Variants in COL23A1 observed in about 807,000 individuals in gnomAD.
COL23A1 encodes collagen type XXIII alpha 1 chain.
COL23A1 carries 97 observed loss-of-function variants against 99.3 expected under a neutral mutation model. The observed-to-expected ratio is 0.98, with a 90% CI of 0.83 to 1.16. The LOEUF (loss-of-function observed/expected upper bound fraction) is 1.16, where lower values mean the gene tolerates loss of function less well. COL23A1 is among the 50% of genes most tolerant of loss of function. COL23A1 has a pLI of 0.00. For missense variants in COL23A1, 762 were observed against 757.4 expected, an observed-to-expected ratio of 1.01 and a Z score of -0.07; for synonymous variants, 320 against 308.2, an observed-to-expected ratio of 1.04 and a Z score of -0.40.
Position 178,239,371 on chromosome 5 carries a change from C to T in COL23A1, c.1582-192G>A, listed in dbSNP as rs192182041. Among the ~76,000 whole-genome samples the T allele has an allele frequency of 5.4e-3, 820 of 152,322 alleles. 4 individuals are homozygous for T. Among genetic ancestry groups the T allele is most frequent in the Admixed American group, 0.014 (217 of 15,310 alleles). On this transcript the variant is annotated intron_variant, in intron 27 of 28. Coordinates refer to ENST00000390654, the MANE Select transcript of COL23A1 (RefSeq NM_173465.4). ...AGTGGGGTCATGGGGTCATGGGGAA[C>T]GACGGCCTCTCACTGAGCTTGTCCT...
At chr5:178,481,152 A>G (rs1283419423) in intron 2 of COL23A1, among the ~76,000 whole-genome samples, 1 of 137,252 alleles carries the variant, frequency 7.3e-6, no homozygotes, top group Non-Finnish European at 1.6e-5. Context: ...AAAAAAAAAG[A>G]AAGAAAGAAA....
chr5:178,531,520 C>G (rs1472622648), intron 2 of COL23A1, among the ~76,000 whole-genome samples: 1 of 152,150 alleles, frequency 6.6e-6, no homozygotes, highest in Admixed American at 6.5e-5. Context: ...CACCCCTGAG[C>G]AGATACACCA....
chr5:178,245,957 C>T lies in COL23A1; in HGVS notation c.1425G>A (p.Gly475=). 6.2e-7 allele frequency: 1 copy of T among 1,614,124 alleles called. No individual in the cohort carries two copies. The highest frequency in any genetic ancestry group is 2.2e-5 in the East Asian group (1 of 44,880). ...PGTKGEKGRP[G]EPGLDGFPGP... The stretch of plus-strand genomic sequence containing the variant: ...AGACACTTACATCTAGTCCTGGCTC[C>T]CCGGGTCTGCCCTGAGGAGAGACAC... Residue 475 remains glycine (G), a synonymous_variant, in exon 25 of 29, where the codon GGG becomes GGA. Transcript: ENST00000390654.
intron 2 of COL23A1, among the ~76,000 whole-genome samples, chr5:178,487,287 G>GTTTTT (rs778127626): frequency 2.1e-4 from 29 of 137,562 alleles, no homozygotes; most frequent in African/African-American, 4.9e-4. Context: ...ACCAGCCTCA[G>GTTTTT]TTTTATTTAT....
chr5:178,481,208 A>T (rs1581472883), intron 2 of COL23A1, among the ~76,000 whole-genome samples: 2 of 152,104 alleles, frequency 1.3e-5, no homozygotes, highest in East Asian at 3.9e-4. Flanking sequence ...GAAAGAAAAA[A>T]CAATGTGACC....
intron 2 of COL23A1, among the ~76,000 whole-genome samples, chr5:178,333,671 A>T (rs1760163976): frequency 6.6e-6 from 1 of 151,952 alleles, no homozygotes; most frequent in East Asian, 1.9e-4. Flanking sequence ...CTGGGTGGTG[A>T]TCATCAGGGC....
chr5:178,348,441 G>A (rs748082), intron 2 of COL23A1, among the ~76,000 whole-genome samples: 39,250 of 151,780 alleles, frequency 0.26, 6,050 homozygotes, highest in East Asian at 0.59. Flanking sequence ...CACCCCCACC[G>A]CAGCCCTGTC....
intron 3 of COL23A1, among the ~76,000 whole-genome samples, chr5:178,305,659 A>T (rs1758311559): frequency 6.6e-6 from 1 of 152,182 alleles, no homozygotes; most frequent in South Asian, 2.1e-4. Context: ...CAGGTAGAGG[A>T]GGAGATGTTC....
rs1758534888 is a variant in COL23A1, at chr5:178,309,246, A to G, written c.362-2327T>C. On this transcript the variant is annotated intron_variant, in intron 2 of 28. Coordinates refer to ENST00000390654, the MANE Select transcript of COL23A1 (RefSeq NM_173465.4). This position sits in a 1 kb window ranked among gnomAD's most constrained non-coding sequence, Gnocchi z 4.7. ...GGTGGCTCTCCTGGGTGGCATGGTTAGGCAGAGGCTGATGGGGAGGGATGC... is the reference window on the plus strand; with the variant it reads ...GGTGGCTCTCCTGGGTGGCATGGTTGGGCAGAGGCTGATGGGGAGGGATGC... 6.6e-6 allele frequency among the ~76,000 whole-genome samples: 1 copy of G among 152,142 alleles called. No individual in the cohort carries two copies. Among genetic ancestry groups the G allele is most frequent in the Non-Finnish European group, 1.5e-5 (1 of 67,996 alleles).
At chr5:178,244,173 TAG>T (rs1764553282) in intron 25 of COL23A1, among the ~76,000 whole-genome samples, 2 of 150,176 alleles carry the variant, frequency 1.3e-5, no homozygotes, top group Non-Finnish European at 3.0e-5. Context: ...GTATATTTAG[TAG>T]AGACAGGGTT....
intron 2 of COL23A1, among the ~76,000 whole-genome samples, chr5:178,444,972 T>C (rs1767078915): frequency 6.6e-6 from 1 of 152,180 alleles, no homozygotes; most frequent in Non-Finnish European, 1.5e-5. Flanking sequence ...CTCTGGTACA[T>C]CACGTGTGTT....
intron 1 of COL23A1, among the ~76,000 whole-genome samples, chr5:178,562,422 C>T (rs1466863950): frequency 5.9e-5 from 9 of 151,302 alleles, no homozygotes; most frequent in African/African-American, 1.7e-4. Flanking sequence ...GGCGTGGTGG[C>T]GGGCGCCTGT....
chr5:178,344,083 A>T (rs1480699378), intron 2 of COL23A1, among the ~76,000 whole-genome samples: 1 of 152,206 alleles, frequency 6.6e-6, no homozygotes, highest in African/African-American at 2.4e-5. Flanking sequence ...AAAGAAATGA[A>T]CGTGTAGAAA....
intron 2 of COL23A1, among the ~76,000 whole-genome samples, chr5:178,518,983 G>A (rs1171232228): frequency 1.3e-5 from 2 of 149,038 alleles, no homozygotes; most frequent in Non-Finnish European, 3.0e-5. Flanking sequence ...CTGCAGCTGG[G>A]GCCCGCGGGC....
chr5:178,259,943 C>T (rs1323509788), intron 11 of COL23A1, among the ~76,000 whole-genome samples, 196 bp from the exon 12 acceptor site: 3 of 152,226 alleles, frequency 2.0e-5, no homozygotes, highest in Non-Finnish European at 4.4e-5. Context: ...CTCCCAAGCT[C>T]AATGACCCTG....
At chr5:178,448,164 C>T (rs1767273309) in intron 2 of COL23A1, among the ~76,000 whole-genome samples, 1 of 146,676 alleles carries the variant, frequency 6.8e-6, no homozygotes, top group Non-Finnish European at 1.5e-5. Flanking sequence ...TCTGTTAGTG[C>T]TAGTCGCAGT....
chr5:178,361,197 G>T (rs1193500250), intron 2 of COL23A1, among the ~76,000 whole-genome samples: 2 of 152,066 alleles, frequency 1.3e-5, no homozygotes, highest in Non-Finnish European at 2.9e-5. Context: ...TACCACAAAA[G>T]GAAAACCACT....
At chr5:178,501,759 T>C (rs2127985539) in intron 2 of COL23A1, among the ~76,000 whole-genome samples, 1 of 152,170 alleles carries the variant, frequency 6.6e-6, no homozygotes, top group East Asian at 1.9e-4. Flanking sequence ...AGCTGGGCCT[T>C]CATGTGAGCA....
At position 178,290,364 on chromosome 5, in the gene COL23A1, G is replaced by A. The variant is rs555604423; in HGVS notation, c.412C>T (p.Pro138Ser). The change falls in exon 4 of 29, where the codon CCA (proline) becomes TCA (serine). Residue 138 changes from proline to serine, a missense_variant and splice_region_variant. Coordinates refer to ENST00000390654, the MANE Select transcript of COL23A1 (RefSeq NM_173465.4). ...ACAGCACAGTCCAGGACACTTACTGGAGGACCTGCAAAACACAAGCAGAGA... is the reference window on the plus strand; with the variant it reads ...ACAGCACAGTCCAGGACACTTACTGAAGGACCTGCAAAACACAAGCAGAGA... The part of the protein sequence containing the change: ...KPGRRGDPGP[P>S]GQSGRDGYPG... 1.9e-6 allele frequency: 3 copies of A among 1,614,050 alleles called. No homozygotes were observed. The highest frequency in any genetic ancestry group is 1.1e-5 in the South Asian group (1 of 91,072).
Sources: allele counts gnomAD v4.1 joint callset (sites outside exome capture counted in the v4.1 genomes callset), GRCh38; gene constraint gnomAD v4.1.1; non-coding constraint Gnocchi (gnomAD v3.1); transcripts MANE v1.5; gene names NCBI Gene and HGNC (gene_info 2026-07-23, HGNC 2026-07-21).